The following CECR2 variants were observed in gnomAD, a reference collection of about 807,000 sequenced individuals.
CECR2 encodes the protein chromatin remodeling regulator CECR2.
Under a neutral mutation model 154.5 loss-of-function variants are expected in CECR2, and 30 were observed. That is an observed-to-expected ratio of 0.19 (90% CI 0.15 to 0.26). The LOEUF (loss-of-function observed/expected upper bound fraction) is 0.26. CECR2 is among the 10% of genes least tolerant of loss of function. The probability of loss-of-function intolerance (pLI) is 1.00; values close to 1 mark genes in which losing one functional copy is unlikely to be tolerated. For synonymous variants in CECR2, 725 were observed against 683.7 expected (o/e 1.06, Z -0.94); for missense variants, 1,743 against 1,829.3 (o/e 0.95, Z 0.86).
chr22:17,395,315 TCCGCAC>T (rs1292637364), intron 1 of CECR2, among the ~76,000 whole-genome samples: 1 of 151,486 alleles, frequency 6.6e-6, no homozygotes, highest in African/African-American at 2.4e-5. Flanking sequence ...GGTGTGAGCC[TCCGCAC>T]CCGGCTCGAA....
At chr22:17,360,434 C>T (rs1195997120) in intron 1 of CECR2, among the ~76,000 whole-genome samples, 2 of 152,184 alleles carry the variant, frequency 1.3e-5, no homozygotes, top group African/African-American at 4.8e-5. Context: ...ATAATCCCAG[C>T]ACTTTGAGAG....
Position 17,514,305 on chromosome 22 carries a change from G to A in CECR2, c.954+2409G>A, listed in dbSNP as rs1224532024. On this transcript the variant is annotated intron_variant, in intron 8 of 18. Transcript: ENST00000262608. ...AAATGTGCTGCTAACGGGAGCAAGG[G>A]TGCCAGCAAGTCTGATACCTGCCCT... Among the ~76,000 whole-genome samples the A allele has an allele frequency of 2.6e-5, 4 of 152,306 alleles. No individual in the cohort carries two copies. The East Asian group carries it at 7.7e-4, about 29-fold the overall frequency.
chr22:17,536,235 C>A (rs2056435096), intron 9 of CECR2, among the ~76,000 whole-genome samples: 1 of 152,070 alleles, frequency 6.6e-6, no homozygotes, highest in South Asian at 2.1e-4. Flanking sequence ...GCAACAAGAG[C>A]AAAACTCCGT....
Position 17,483,595 on chromosome 22 carries a change from G to GA in CECR2, c.221+5922dup, listed in dbSNP as rs932395878. Among the ~76,000 whole-genome samples, 14 of 149,826 alleles carry GA rather than the reference G, an allele frequency of 9.3e-5. No homozygotes were observed. In the East Asian group the frequency reaches 2.7e-3, roughly 29 times the overall value. ...GCACTCTAGCTGTGGCTACAGAGCAGAAAAAAAAAGAAAAAAATATTTTTG... is the reference window on the plus strand; with the variant it reads ...GCACTCTAGCTGTGGCTACAGAGCAGAAAAAAAAAAGAAAAAAATATTTTTG... On this transcript the variant is annotated intron_variant, in intron 2 of 18. Transcript: ENST00000262608.
intron 1 of CECR2, among the ~76,000 whole-genome samples, chr22:17,456,823 C>T (rs534685343): frequency 6.6e-6 from 1 of 152,230 alleles, no homozygotes; most frequent in East Asian, 1.9e-4. Context: ...ACAAAAATGT[C>T]ATTGTGTTGT....
intron 1 of CECR2, among the ~76,000 whole-genome samples, chr22:17,446,769 A>C (rs1388309361): frequency 6.6e-6 from 1 of 152,156 alleles, no homozygotes; most frequent in East Asian, 1.9e-4. Context: ...GAGCAGCAGC[A>C]AGATTTATTA....
chr22:17,408,697 C>T (rs540211432), intron 1 of CECR2, among the ~76,000 whole-genome samples: 38 of 152,204 alleles, frequency 2.5e-4, no homozygotes, highest in Non-Finnish European at 4.7e-4. Context: ...ATGCCACCAA[C>T]ATGTTAGTTC....
intron 1 of CECR2, among the ~76,000 whole-genome samples, chr22:17,435,265 A>C (rs749595020): frequency 1.1e-4 from 17 of 152,126 alleles, no homozygotes; most frequent in Non-Finnish European, 1.6e-4. Context: ...GACCAAAACA[A>C]ACGTTGCTGC....
intron 5 of CECR2, 104 bp downstream of exon 5, chr22:17,500,839 T>C (rs2055724854): frequency 2.6e-6 from 2 of 776,904 alleles, no homozygotes; most frequent in Admixed American, 2.8e-5. Flanking sequence ...AGCACATTAT[T>C]ATAGCAACCT....
chr22:17,433,607 G>A (rs1039798007), intron 1 of CECR2, among the ~76,000 whole-genome samples: 4 of 152,028 alleles, frequency 2.6e-5, no homozygotes, highest in African/African-American at 9.7e-5. Flanking sequence ...TGCCATGCCC[G>A]GCTAATTTTT....
chr22:17,521,267 G>C (rs192088195), intron 8 of CECR2, among the ~76,000 whole-genome samples: 1 of 152,134 alleles, frequency 6.6e-6, no homozygotes, highest in Non-Finnish European at 1.5e-5. Context: ...TCGGCCGGGC[G>C]CAGTGGCTCA....
intron 1 of CECR2, among the ~76,000 whole-genome samples, chr22:17,429,554 A>AAAG (rs1395761901): frequency 6.6e-6 from 1 of 151,358 alleles, no homozygotes; most frequent in African/African-American, 2.4e-5. Context: ...ACAAAAACAA[A>AAAG]AACAAAGAAA....
Position 17,548,122 on chromosome 22 carries a change from T to C in CECR2, c.2861-26T>C, listed in dbSNP as rs926510416. On this transcript the variant is annotated intron_variant, in intron 16 of 18. Coordinates refer to ENST00000262608, the MANE Select transcript of CECR2 (RefSeq NM_001290047.2). Reference sequence around the variant, plus strand: ...TCATTTCAGCTACTGAGTTATTTTTTCTCCTCTTTTTTTTTTTTTTTGCAG... The same window carrying C: ...TCATTTCAGCTACTGAGTTATTTTTCCTCCTCTTTTTTTTTTTTTTTGCAG... 23 of 1,470,314 alleles carry C rather than the reference T, an allele frequency of 1.6e-5. No individual in the cohort carries two copies. In the African/African-American group the frequency reaches 3.0e-4, roughly 19 times the overall value. 91.1% of individuals were successfully genotyped at this position (1,470,314 alleles called of 1,614,324 possible).
At chr22:17,454,627 A>C (rs2054826293) in intron 1 of CECR2, among the ~76,000 whole-genome samples, 1 of 150,314 alleles carries the variant, frequency 6.7e-6, no homozygotes, top group South Asian at 2.1e-4. Flanking sequence ...AAAACCCTGC[A>C]GCTGGGCAGG....
At chr22:17,487,785 G>C (rs2055449207) in intron 2 of CECR2, among the ~76,000 whole-genome samples, 1 of 152,182 alleles carries the variant, frequency 6.6e-6, no homozygotes, top group Middle Eastern at 3.4e-3. Flanking sequence ...AGACTGATTT[G>C]TGCTTCAGTA....
Position 17,362,313 on chromosome 22 carries a change from G to C in CECR2, c.-364+2290G>C, listed in dbSNP as rs1235073168. Among the ~76,000 whole-genome samples the C allele has an allele frequency of 2.0e-5, 3 of 152,266 alleles. No individual in the cohort carries two copies. The East Asian group carries it at 5.8e-4, about 29-fold the overall frequency. On this transcript the variant is annotated intron_variant, in intron 1 of 18. Transcript: ENST00000400585. Reference sequence around the variant, plus strand: ...CCTGCCTCGGCCTCCGAAAGTGCTAGGATTACAGGCATGAGCCACCATGTC... The same window carrying C: ...CCTGCCTCGGCCTCCGAAAGTGCTACGATTACAGGCATGAGCCACCATGTC...
At chr22:17,418,850 C>A (rs1003892108) in intron 1 of CECR2, 1 of 167,864 alleles carries the variant, frequency 6.0e-6, no homozygotes, top group Non-Finnish European at 1.3e-5. Flanking sequence ...AGGGTGACCG[C>A]ACTGTCAGGT....
At chr22:17,463,904 G>A (rs1319851583) in intron 1 of CECR2, among the ~76,000 whole-genome samples, 1 of 152,136 alleles carries the variant, frequency 6.6e-6, no homozygotes, top group Non-Finnish European at 1.5e-5. Context: ...AGAGTTGGAG[G>A]GCTAGGGTGA....
chr22:17,540,694 G>T lies in CECR2; in HGVS notation c.1778G>T (p.Ser593Ile), dbSNP rs1320585056. 1 of 1,613,866 alleles carries T rather than the reference G, an allele frequency of 6.2e-7. No homozygotes were observed. Among genetic ancestry groups the T allele is most frequent in the Non-Finnish European group, 8.5e-7 (1 of 1,179,826 alleles). ...APSSGDDQSS[S>I]STQPPREVGT... ...TCTTCTGGGGACGATCAGAGCAGCA[G>T]CTCCACACAGCCCCCGCGGGAGGTG... Residue 593 changes from serine to isoleucine, a missense_variant, in exon 14 of 19, where the codon AGC (serine) becomes ATC (isoleucine). Physicochemically the swap from Ser to Ile is moderately radical, Grantham distance 142 (BLOSUM62 -2). Coordinates refer to ENST00000262608, the MANE Select transcript of CECR2 (RefSeq NM_001290047.2).
Sources: allele counts gnomAD v4.1 joint callset (sites outside exome capture counted in the v4.1 genomes callset), GRCh38; gene constraint gnomAD v4.1.1; transcripts MANE v1.5; gene names NCBI Gene and HGNC (gene_info 2026-07-23, HGNC 2026-07-21).